The following DNAH6 variants were observed in gnomAD, a reference collection of about 807,000 sequenced individuals.
DNAH6 encodes dynein axonemal heavy chain 6, also known as axonemal beta dynein heavy chain 6.
In DNAH6, 340 loss-of-function variants were observed where a neutral mutation model predicts 491.4. The ratio of observed to expected loss-of-function variants is 0.69; its 90% CI spans 0.63 to 0.76. The LOEUF (loss-of-function observed/expected upper bound fraction) is 0.76, where lower values mean the gene tolerates loss of function less well. DNAH6 is among the 30% of genes least tolerant of loss of function. The probability of loss-of-function intolerance (pLI) is 0.00; values close to 1 mark genes in which losing one functional copy is unlikely to be tolerated. For synonymous variants in DNAH6, 1,603 were observed against 1,686.1 expected, an observed-to-expected ratio of 0.95 and a Z score of 1.21; for missense variants, 4,443 against 4,972.2, an observed-to-expected ratio of 0.89 and a Z score of 3.20.
In DNAH6 at chr2:84,740,660, G is replaced by A. The variant is rs549895795; in HGVS notation, c.10343-4420G>A. ...GGAGTGGAGTCTGCCTCCCTCCCAC[G>A]CCTCAGAGCTGGTGGGGCACTGTTC... On this transcript the variant is annotated intron_variant, in intron 62 of 76. Transcript: ENST00000389394. Among the ~76,000 whole-genome samples, 5 of 152,198 alleles carry A rather than the reference G, an allele frequency of 3.3e-5. No homozygotes were observed. The South Asian group carries it at 6.2e-4, about 19-fold the overall frequency.
intron 4 of DNAH6, among the ~76,000 whole-genome samples, chr2:84,542,481 T>C (rs1255970140): frequency 6.6e-6 from 1 of 152,148 alleles, no homozygotes; most frequent in Non-Finnish European, 1.5e-5. Flanking sequence ...AAAAGTCAGA[T>C]AGTGGTATCA....
intron 70 of DNAH6, among the ~76,000 whole-genome samples, chr2:84,803,011 A>G (rs1231430548): frequency 2.6e-5 from 4 of 152,238 alleles, no homozygotes; most frequent in Non-Finnish European, 5.9e-5. Context: ...TTTGAAACAA[A>G]TGAACATAAG....
chr2:84,718,133 A>G (rs779771350), intron 58 of DNAH6, 71 bp from the exon 59 acceptor site: 192 of 1,282,818 alleles, frequency 1.5e-4, no homozygotes, highest in Non-Finnish European at 1.9e-4. Context: ...TTACAAACAG[A>G]GAAAGAAAAA....
intron 58 of DNAH6, 50 bp downstream of exon 58, chr2:84,715,677 T>G (rs1553475288): frequency 1.3e-6 from 2 of 1,500,374 alleles, no homozygotes; most frequent in Non-Finnish European, 9.1e-7. Flanking sequence ...GTGGGTTTCC[T>G]AAATATTTTG....
intron 10 of DNAH6, among the ~76,000 whole-genome samples, chr2:84,554,573 G>A (rs930937745): frequency 9.2e-5 from 14 of 152,158 alleles, no homozygotes; most frequent in East Asian, 5.8e-4. Context: ...TAGGAAAACC[G>A]CTTCTGGGGT....
intron 70 of DNAH6, among the ~76,000 whole-genome samples, chr2:84,800,684 C>T (rs1469029203): frequency 3.3e-5 from 5 of 151,960 alleles, no homozygotes; most frequent in Non-Finnish European, 5.9e-5. Context: ...TCCTTTGAAT[C>T]AACCCAGTCA....
the DNAH6 span, among the ~76,000 whole-genome samples, chr2:84,479,338 C>A: frequency 6.6e-6 from 1 of 152,332 alleles, no homozygotes; most frequent in Admixed American, 6.5e-5. Context: ...GTCCCTGCCT[C>A]CTGTCTCTAC....
At chr2:84,487,509 G>T in the DNAH6 span, among the ~76,000 whole-genome samples, 1 of 152,122 alleles carries the variant, frequency 6.6e-6, no homozygotes, top group Non-Finnish European at 1.5e-5. Flanking sequence ...TGTATCCCTG[G>T]CTAACAAAAA....
intron 63 of DNAH6, among the ~76,000 whole-genome samples, chr2:84,756,045 C>T (rs768692684): frequency 7.9e-5 from 12 of 152,312 alleles, no homozygotes; most frequent in Non-Finnish European, 1.6e-4. Context: ...TCCCCAGCCA[C>T]GTGGAATTGT....
At chr2:84,661,944 T>C (rs1309125197) in intron 37 of DNAH6, among the ~76,000 whole-genome samples, 1 of 152,092 alleles carries the variant, frequency 6.6e-6, no homozygotes, top group Admixed American at 6.6e-5. Flanking sequence ...GGATATCAAA[T>C]AGACAAACTA....
Position 84,611,866 on chromosome 2 carries a change from A to T in DNAH6, c.3475+12A>T, listed in dbSNP as rs1686369628. 6.5e-7 allele frequency: 1 copy of T among 1,547,506 alleles called. No individual in the cohort carries two copies. On this transcript the variant is annotated intron_variant, in intron 22 of 76. Coordinates refer to ENST00000389394, the MANE Select transcript of DNAH6 (RefSeq NM_001370.2). ...CGCTACTCAGCCAGGTATGAAACAA[A>T]ATTCCAAACAAGCAAAAAGACTACA...
At chr2:84,564,318 C>G (rs1231771456) in intron 11 of DNAH6, among the ~76,000 whole-genome samples, 1 of 152,078 alleles carries the variant, frequency 6.6e-6, no homozygotes, top group African/African-American at 2.4e-5. Context: ...ATGATTCTTC[C>G]AGTCCACGAG....
At chr2:84,469,727 C>T in the DNAH6 span, among the ~76,000 whole-genome samples, 1 of 152,140 alleles carries the variant, frequency 6.6e-6, no homozygotes, top group South Asian at 2.1e-4. This position sits in a 1 kb window ranked among gnomAD's most constrained non-coding sequence, Gnocchi z 4.0. Context: ...GAGGAAAAAG[C>T]TCCCCATGCC....
At chr2:84,549,238 T>C (rs1469156736) in intron 8 of DNAH6, among the ~76,000 whole-genome samples, 1 of 152,240 alleles carries the variant, frequency 6.6e-6, no homozygotes, top group Non-Finnish European at 1.5e-5. Context: ...TTTGCAATTA[T>C]GTAATACATC....
chr2:84,701,318 A>G lies in DNAH6; in HGVS notation c.8040A>G (p.Glu2680=). The G allele has an allele frequency of 6.5e-7, 1 of 1,550,068 alleles. No individual in the cohort carries two copies. The highest frequency in any genetic ancestry group is 8.7e-7 in the Non-Finnish European group (1 of 1,145,834). ...ATCTTTACCTGTCTATGCTGTCTGA[A>G]AAAAGGAAGCAGATTATTTCAGTAG... is the stretch of plus-strand genomic sequence containing the variant. ...LINLYLSMLS[E]KRKQIISARD... Residue 2680 remains glutamate, a synonymous_variant, in exon 49 of 77, where the codon GAA becomes GAG. Coordinates refer to ENST00000389394, the MANE Select transcript of DNAH6 (RefSeq NM_001370.2).
intron 4 of DNAH6, among the ~76,000 whole-genome samples, chr2:84,530,676 G>A (rs1353237109): frequency 1.3e-5 from 2 of 152,144 alleles, no homozygotes; most frequent in East Asian, 1.9e-4. Flanking sequence ...ATTGAAGGCC[G>A]TAGTTACTCA....
intron 39 of DNAH6, among the ~76,000 whole-genome samples, chr2:84,671,245 G>A (rs1692710043): frequency 6.6e-6 from 1 of 152,200 alleles, no homozygotes; most frequent in South Asian, 2.1e-4. Flanking sequence ...TGTGAGGCAG[G>A]TTTTCAGGAG....
At chr2:84,785,064 G>A (rs1410550888) in intron 66 of DNAH6, among the ~76,000 whole-genome samples, 3 of 152,184 alleles carry the variant, frequency 2.0e-5, no homozygotes, top group Admixed American at 1.3e-4. Context: ...TAAGGGTACA[G>A]AGTGATAAGA....
intron 21 of DNAH6, among the ~76,000 whole-genome samples, chr2:84,609,853 A>C (rs2169228): frequency 0.82 from 124,791 of 152,054 alleles, 53,335 homozygotes; most frequent in East Asian, 0.99. Flanking sequence ...TGAAAAATGC[A>C]ATATCTGCAA....
Sources: allele counts gnomAD v4.1 joint callset (sites outside exome capture counted in the v4.1 genomes callset), GRCh38; gene constraint gnomAD v4.1.1; non-coding constraint Gnocchi (gnomAD v3.1); transcripts MANE v1.5; gene names NCBI Gene and HGNC (gene_info 2026-07-23, HGNC 2026-07-21).